CHCHD6: variants seen among roughly 807,000 people sequenced by gnomAD.
CHCHD6 encodes coiled-coil-helix-coiled-coil-helix domain containing 6, also known as MICOS complex subunit MIC25.
CHCHD6 carries 28 observed loss-of-function variants against 32.3 expected under a neutral mutation model. The observed-to-expected ratio is 0.87, with a 90% CI of 0.64 to 1.19. The LOEUF (loss-of-function observed/expected upper bound fraction) is 1.19. Among genes scored for constraint, CHCHD6 ranks in the 50% most tolerant of loss-of-function variants. CHCHD6 has a pLI of 0.00. For missense variants in CHCHD6, 333 were observed against 307.0 expected, an observed-to-expected ratio of 1.08 and a Z score of -0.63; for synonymous variants, 122 against 117.5, an observed-to-expected ratio of 1.04 and a Z score of -0.25.
intron 4 of CHCHD6, among the ~76,000 whole-genome samples, chr3:126,813,308 T>C (rs1310151795): frequency 6.6e-6 from 1 of 152,196 alleles, no homozygotes; most frequent in Admixed American, 6.5e-5. Context: ...ATCAAATAGA[T>C]TATGGGTAAG....
intron 1 of CHCHD6, among the ~76,000 whole-genome samples, chr3:126,714,504 G>A (rs1312661208): frequency 1.3e-5 from 2 of 152,122 alleles, no homozygotes; most frequent in Non-Finnish European, 2.9e-5. Context: ...AGGCAAGGGG[G>A]TGATCTTCTT....
At chr3:126,837,350 G>A (rs1940901491) in intron 4 of CHCHD6, among the ~76,000 whole-genome samples, 1 of 152,036 alleles carries the variant, frequency 6.6e-6, no homozygotes, top group Admixed American at 6.6e-5. Context: ...GATTGCTTGA[G>A]CCCAGGAGTT....
At chr3:126,839,999 T>G (rs912842858) in intron 4 of CHCHD6, among the ~76,000 whole-genome samples, 2 of 152,224 alleles carry the variant, frequency 1.3e-5, no homozygotes, top group African/African-American at 4.8e-5. Context: ...AGCACTCATC[T>G]GTTTTCTATC....
intron 6 of CHCHD6, among the ~76,000 whole-genome samples, chr3:126,917,850 A>G (rs955550491): frequency 2.0e-5 from 3 of 152,172 alleles, no homozygotes; most frequent in Non-Finnish European, 4.4e-5. Context: ...CCATCTATGA[A>G]TCAGAAAGTG....
At chr3:126,835,057 A>G (rs1348816222) in intron 4 of CHCHD6, among the ~76,000 whole-genome samples, 2 of 152,172 alleles carry the variant, frequency 1.3e-5, no homozygotes, top group African/African-American at 4.8e-5. Context: ...TCTCCAGAGA[A>G]GTAGCCCGGG....
intron 4 of CHCHD6, among the ~76,000 whole-genome samples, chr3:126,763,634 C>T (rs1461943267): frequency 2.0e-5 from 3 of 152,204 alleles, no homozygotes; most frequent in Admixed American, 6.5e-5. Flanking sequence ...AAGTACCACA[C>T]TCAGCCTCAT....
chr3:126,863,760 C>T (rs1207581414), intron 5 of CHCHD6, among the ~76,000 whole-genome samples: 1 of 149,776 alleles, frequency 6.7e-6, no homozygotes, highest in Admixed American at 6.6e-5. Flanking sequence ...CTTCCACCAC[C>T]ATCACCTCCT....
At chr3:126,834,940 G>A (rs575719848) in intron 4 of CHCHD6, among the ~76,000 whole-genome samples, 1 of 152,300 alleles carries the variant, frequency 6.6e-6, no homozygotes, top group South Asian at 2.1e-4. Flanking sequence ...GGCCCTGGAA[G>A]CCCTGGTGTG....
At chr3:126,714,076 CAAAAAAAAA>C (rs1157910763) in intron 1 of CHCHD6, among the ~76,000 whole-genome samples, 3 of 28,880 alleles carry the variant, frequency 1.0e-4, no homozygotes, top group Admixed American at 3.9e-4. Context: ...GACTGCATCT[CAAAAAAAAA>C]AAAAAAAAAA....
chr3:126,920,320 T>G (rs1449456072), intron 6 of CHCHD6, among the ~76,000 whole-genome samples: 1 of 152,030 alleles, frequency 6.6e-6, no homozygotes, highest in Non-Finnish European at 1.5e-5. Flanking sequence ...GAGGGTCTAC[T>G]TCTGTTGCCT....
At chr3:126,736,035 A>G (rs1936027318) in intron 4 of CHCHD6, among the ~76,000 whole-genome samples, 1 of 152,246 alleles carries the variant, frequency 6.6e-6, no homozygotes, top group South Asian at 2.1e-4. Context: ...TGCTGAGCAG[A>G]TGCTATGGCC....
At chr3:126,906,907 C>T (rs532904786) in intron 5 of CHCHD6, among the ~76,000 whole-genome samples, 5 of 152,282 alleles carry the variant, frequency 3.3e-5, no homozygotes, top group Admixed American at 1.3e-4. Flanking sequence ...TCATCCATGT[C>T]ACAGCAGACG....
intron 5 of CHCHD6, among the ~76,000 whole-genome samples, chr3:126,891,770 A>G (rs903678766): frequency 5.9e-5 from 9 of 152,154 alleles, no homozygotes; most frequent in Admixed American, 5.9e-4. Flanking sequence ...TGAGGGGTTA[A>G]GTAAGACAGA....
At chr3:126,942,364 C>T (rs751077374) in intron 6 of CHCHD6, among the ~76,000 whole-genome samples, 5 of 152,184 alleles carry the variant, frequency 3.3e-5, no homozygotes, top group African/African-American at 4.8e-5. Flanking sequence ...ACCCATCAGC[C>T]TTAGCTTCCA....
At chr3:126,769,830 C>G (rs767895342) in intron 4 of CHCHD6, among the ~76,000 whole-genome samples, 4 of 152,118 alleles carry the variant, frequency 2.6e-5, no homozygotes, top group Non-Finnish European at 4.4e-5. Flanking sequence ...AATATGAATT[C>G]AATATGAATT....
At chr3:126,787,598 T>G (rs1414399274) in intron 4 of CHCHD6, among the ~76,000 whole-genome samples, 147 of 151,910 alleles carry the variant, frequency 9.7e-4, no homozygotes, top group East Asian at 6.4e-3. Flanking sequence ...TTGTGAATGG[T>G]AGTTCACTCA....
intron 4 of CHCHD6, among the ~76,000 whole-genome samples, chr3:126,750,540 T>C (rs920699676): frequency 1.3e-5 from 2 of 152,206 alleles, no homozygotes; most frequent in African/African-American, 4.8e-5. Flanking sequence ...GGATAAGGAC[T>C]GAGATGGAGG....
At chr3:126,738,320 A>G (rs1225931678) in intron 4 of CHCHD6, among the ~76,000 whole-genome samples, 1 of 152,184 alleles carries the variant, frequency 6.6e-6, no homozygotes, top group Admixed American at 6.5e-5. Flanking sequence ...TTGAGCATCC[A>G]CAGATTCTGG....
intron 4 of CHCHD6, among the ~76,000 whole-genome samples, chr3:126,748,837 C>T (rs1354126573): frequency 4.6e-5 from 7 of 152,132 alleles, no homozygotes; most frequent in African/African-American, 1.4e-4. Context: ...GCTGGCCATC[C>T]AGAAGTGACC....
Sources: gnomAD v4.1 joint callset for allele counts (sites outside exome capture counted in the v4.1 genomes callset) on GRCh38, gnomAD v4.1.1 for gene constraint, MANE v1.5 for transcripts, NCBI Gene and HGNC (gene_info 2026-07-23, HGNC 2026-07-21) for gene names.